Variants in AMZ2 observed in about 807,000 individuals in gnomAD.
AMZ2 encodes the protein archaelysin family metallopeptidase 2, also known as archaemetzincin-2.
AMZ2 carries 26 observed loss-of-function variants against 36.7 expected under a neutral mutation model. That is an observed-to-expected ratio of 0.71 (90% CI 0.52 to 0.98). The LOEUF (loss-of-function observed/expected upper bound fraction) is 0.98, where lower values mean the gene tolerates loss of function less well. Ranked by LOEUF, AMZ2 falls within the 50% of genes least tolerant of loss-of-function variation. The pLI is 0.00. For synonymous variants in AMZ2, 144 were observed against 149.1 expected, an observed-to-expected ratio of 0.97 and a Z score of 0.25; for missense variants, 394 against 430.5, an observed-to-expected ratio of 0.92 and a Z score of 0.75.
At chr17:68,216,104 G>A (rs1356471543) in intron 1 of AMZ2, among the ~76,000 whole-genome samples, 4 of 152,002 alleles carry the variant, frequency 2.6e-5, no homozygotes, top group East Asian at 1.9e-4. Flanking sequence ...GCCCAATAAC[G>A]CAGGTACTAT....
upstream of AMZ2, among the ~76,000 whole-genome samples, chr17:68,243,792 A>G (rs2073950693): frequency 6.6e-6 from 1 of 152,232 alleles, no homozygotes; most frequent in African/African-American, 2.4e-5. Flanking sequence ...CACATTCAAA[A>G]AAAGATCAAG....
At chr17:68,254,344 C>A in intron 4 of AMZ2, 60 bp from the exon 5 acceptor site, 1 of 1,527,554 alleles carries the variant, frequency 6.5e-7, no homozygotes, top group South Asian at 1.3e-5. Flanking sequence ...TCTCTTCTTT[C>A]TTTGGTCTTT....
At chr17:68,221,825 T>G (rs1271674191) in intron 1 of AMZ2, among the ~76,000 whole-genome samples, 2 of 150,624 alleles carry the variant, frequency 1.3e-5, no homozygotes, top group Non-Finnish European at 3.0e-5. Flanking sequence ...ACCTGGGAGG[T>G]GGTTGCCATG....
chr17:68,215,828 T>A (rs9913990), intron 1 of AMZ2, among the ~76,000 whole-genome samples: 30,999 of 148,952 alleles, frequency 0.21, 3,327 homozygotes, highest in African/African-American at 0.38. Flanking sequence ...CTTTGGATAT[T>A]CACTCTCACT....
intron 1 of AMZ2, among the ~76,000 whole-genome samples, chr17:68,216,939 AG>A (rs2073211280): frequency 6.6e-6 from 1 of 151,762 alleles, no homozygotes; most frequent in South Asian, 2.1e-4. Flanking sequence ...AGGCTGAAGC[AG>A]GAGAATGGTG....
chr17:68,247,979 TGCGCGACGCAGCGGCGCG>T, upstream of AMZ2: 2 of 984,688 alleles, frequency 2.0e-6, no homozygotes, highest in Non-Finnish European at 2.4e-6. Context: ...CCACAGGGCG[TGCGCGACGCAGCGGCGCG>T]GCGCGTGGCG....
intron 1 of AMZ2, among the ~76,000 whole-genome samples, chr17:68,233,187 C>T (rs782495068): frequency 3.9e-5 from 6 of 152,164 alleles, no homozygotes; most frequent in Non-Finnish European, 5.9e-5. Flanking sequence ...CAACTAATTA[C>T]CCATGTTTAC....
At position 68,254,552 on chromosome 17, in the gene AMZ2, A is replaced by T; in HGVS notation, c.735A>T (p.Leu245=). 6.2e-7 allele frequency: 1 copy of T among 1,611,630 alleles called. No individual in the cohort carries two copies. Among genetic ancestry groups the T allele is most frequent in the Non-Finnish European group, 8.5e-7 (1 of 1,178,636 alleles). The change falls in exon 5 of 7, where the codon CTA becomes CTT. Residue 245 remains leucine, a synonymous_variant. Transcript: ENST00000359904. Reference sequence around the variant, plus strand: ...TTCCAGAAATAACTAGTGTTTTACTACTTCGATCCTGTAAGGTAAGTTATT... The same window carrying T: ...TTCCAGAAATAACTAGTGTTTTACTTCTTCGATCCTGTAAGGTAAGTTATT... ...YYIPEITSVL[L]LRSCKTLTHE...
At chr17:68,250,142 T>C (rs1555738246) in intron 1 of AMZ2, 46 bp from the exon 2 acceptor site, 1 of 1,571,318 alleles carries the variant, frequency 6.4e-7, no homozygotes, top group Non-Finnish European at 8.6e-7. Context: ...AAGTCCCCAA[T>C]GTAGATATGT....
At chr17:68,245,521 TGG>T (rs1398288485), upstream of AMZ2, among the ~76,000 whole-genome samples, 1 of 152,066 alleles carries the variant, frequency 6.6e-6, no homozygotes, top group Non-Finnish European at 1.5e-5. Context: ...CCCAAAGTGC[TGG>T]GATCATAGGC....
chr17:68,256,639 G>A (rs565093933), intron 6 of AMZ2, among the ~76,000 whole-genome samples, 175 bp from the exon 7 acceptor site: 6 of 152,262 alleles, frequency 3.9e-5, no homozygotes, highest in African/African-American at 9.6e-5. Context: ...TATTTGGTAC[G>A]TGCCATTTCA....
chr17:68,242,878 C>A (rs1180703313), intron 1 of AMZ2, among the ~76,000 whole-genome samples: 1 of 151,508 alleles, frequency 6.6e-6, no homozygotes, highest in African/African-American at 2.4e-5. Flanking sequence ...CCCCTCTCTA[C>A]AAAAAAACAC....
At chr17:68,234,803 ATAGC>A (rs2073748822) in intron 1 of AMZ2, among the ~76,000 whole-genome samples, 1 of 151,586 alleles carries the variant, frequency 6.6e-6, no homozygotes, top group South Asian at 2.1e-4. Flanking sequence ...AAAAAAAAAG[ATAGC>A]TAGGAGACCA....
intron 1 of AMZ2, among the ~76,000 whole-genome samples, chr17:68,233,249 C>T (rs2073707409): frequency 6.6e-6 from 1 of 152,178 alleles, no homozygotes; most frequent in Non-Finnish European, 1.5e-5. Context: ...TGGCTCACGC[C>T]TGTAATCCCA....
At chr17:68,213,000 T>C (rs1310463355) in intron 1 of AMZ2, among the ~76,000 whole-genome samples, 1 of 152,232 alleles carries the variant, frequency 6.6e-6, no homozygotes, top group African/African-American at 2.4e-5. Flanking sequence ...AACCAATTCA[T>C]TACCATTAAA....
At chr17:68,228,945 G>T (rs1395110210) in intron 1 of AMZ2, among the ~76,000 whole-genome samples, 1 of 152,238 alleles carries the variant, frequency 6.6e-6, no homozygotes, top group Admixed American at 6.5e-5. Context: ...AGCTTGTGCT[G>T]TCTTCAGTGC....
chr17:68,225,345 AG>A (rs1250420087), intron 1 of AMZ2, among the ~76,000 whole-genome samples: 1 of 152,180 alleles, frequency 6.6e-6, no homozygotes, highest in Non-Finnish European at 1.5e-5. Context: ...GGAGAAGTTC[AG>A]CCTTATATTA....
intron 1 of AMZ2, among the ~76,000 whole-genome samples, chr17:68,234,908 C>T (rs1162255474): frequency 4.6e-5 from 7 of 151,962 alleles, no homozygotes; most frequent in East Asian, 1.9e-4. Context: ...CCAGCTACTC[C>T]GGAGGCTGAG....
intron 1 of AMZ2, among the ~76,000 whole-genome samples, chr17:68,209,606 A>ATG: frequency 1.7e-5 from 2 of 114,396 alleles, no homozygotes; most frequent in East Asian, 2.9e-4. Flanking sequence ...GTGTGTGTGT[A>ATG]TATGTATATA....
Sources: gnomAD v4.1 joint callset for allele counts (sites outside exome capture counted in the v4.1 genomes callset) on GRCh38, gnomAD v4.1.1 for gene constraint, MANE v1.5 for transcripts, NCBI Gene and HGNC (gene_info 2026-07-23, HGNC 2026-07-21) for gene names.